The following GALNT17 variants were observed in gnomAD, a reference collection of about 807,000 sequenced individuals.
The protein encoded by GALNT17 is UDP-GalNAc:polypeptide N-acetylgalactosaminyltransferase-like 3.
Under a neutral mutation model 63.7 loss-of-function variants are expected in GALNT17, and 29 were observed. That is an observed-to-expected ratio of 0.46 (90% confidence interval 0.34 to 0.62). The LOEUF (loss-of-function observed/expected upper bound fraction) is 0.62, where lower values mean the gene tolerates loss of function less well. Among genes scored for constraint, GALNT17 ranks in the 20% least tolerant of loss-of-function variants. The probability of loss-of-function intolerance (pLI) is 0.01; values close to 1 mark genes in which losing one functional copy is unlikely to be tolerated. For synonymous variants in GALNT17, 305 were observed against 318.3 expected, an observed-to-expected ratio of 0.96 and a Z score of 0.45; for missense variants, 603 against 799.6, an observed-to-expected ratio of 0.75 and a Z score of 2.97.
chr7:71,523,823 G>A (rs1163593509), intron 5 of GALNT17, among the ~76,000 whole-genome samples: 4 of 151,380 alleles, frequency 2.6e-5, no homozygotes, highest in Non-Finnish European at 2.9e-5. Flanking sequence ...TCAGCCCCCA[G>A]ATTAAGAAAC....
intron 2 of GALNT17, among the ~76,000 whole-genome samples, chr7:71,384,297 C>T (rs918799485): frequency 1.3e-5 from 2 of 152,086 alleles, no homozygotes; most frequent in Admixed American, 6.6e-5. Flanking sequence ...ATCCCACGTC[C>T]GCATGGTAGG....
At chr7:71,187,103 T>C (rs564870969) in intron 1 of GALNT17, among the ~76,000 whole-genome samples, 62 of 152,182 alleles carry the variant, frequency 4.1e-4, no homozygotes, top group African/African-American at 1.4e-3. Context: ...CTACAACTTT[T>C]AGTAGATACT....
intron 9 of GALNT17, among the ~76,000 whole-genome samples, chr7:71,701,225 G>A (rs541409066): frequency 3.9e-4 from 60 of 152,148 alleles, no homozygotes; most frequent in Admixed American, 1.1e-3. Context: ...GATGGCTCAC[G>A]CCTGTAATCC....
At chr7:71,627,066 A>G (rs1215614936) in intron 6 of GALNT17, among the ~76,000 whole-genome samples, 1 of 152,214 alleles carries the variant, frequency 6.6e-6, no homozygotes, top group Non-Finnish European at 1.5e-5. Flanking sequence ...AGTATGTTGC[A>G]TGGAATACAG....
intron 1 of GALNT17, among the ~76,000 whole-genome samples, chr7:71,299,710 G>A (rs1440939031): frequency 2.0e-5 from 3 of 151,958 alleles, no homozygotes; most frequent in African/African-American, 7.3e-5. Flanking sequence ...TGAACCCTAT[G>A]TCCTTCCTGT....
rs766894940 is a variant in GALNT17, at chr7:71,421,135, C to T, written c.962+30C>T. ...GTGGCTGGTGAGCCCTGGCGGCCAA[C>T]GAGCCCCCAAATTCAAGGGTAAAAA... is the stretch of plus-strand genomic sequence containing the variant. On this transcript the variant is annotated intron_variant, in intron 5 of 10. Coordinates refer to ENST00000333538, the MANE Select transcript of GALNT17 (RefSeq NM_022479.3). 9.3e-6 allele frequency: 15 copies of T among 1,611,570 alleles called. No homozygotes were observed. The African/African-American group carries it at 1.3e-4, about 14-fold the overall frequency.
At chr7:71,270,711 G>A (rs952218184) in intron 1 of GALNT17, among the ~76,000 whole-genome samples, 92 of 152,076 alleles carry the variant, frequency 6.0e-4, no homozygotes, top group African/African-American at 2.1e-3. Context: ...GTTTGAGGTG[G>A]TGGATGTTTG....
intron 2 of GALNT17, among the ~76,000 whole-genome samples, chr7:71,376,128 T>G (rs531149557): frequency 6.6e-6 from 1 of 152,018 alleles, no homozygotes; most frequent in Non-Finnish European, 1.5e-5. Flanking sequence ...TGGCCAAATT[T>G]TGGATCTGCT....
intron 6 of GALNT17, among the ~76,000 whole-genome samples, chr7:71,610,988 C>CAAA (rs11447692): frequency 8.7e-5 from 11 of 127,000 alleles, no homozygotes; most frequent in Non-Finnish European, 1.4e-4. Flanking sequence ...GACTCCATTT[C>CAAA]AAAAAAAAAA....
intron 1 of GALNT17, among the ~76,000 whole-genome samples, chr7:71,329,652 G>GGAGA (rs149805819): frequency 1.3e-5 from 2 of 150,770 alleles, no homozygotes; most frequent in Admixed American, 6.6e-5. Context: ...GACAGAGCCA[G>GGAGA]GAGAGAGAGA....
intron 1 of GALNT17, among the ~76,000 whole-genome samples, chr7:71,146,207 G>C (rs1490255909): frequency 6.6e-6 from 1 of 152,068 alleles, no homozygotes; most frequent in Non-Finnish European, 1.5e-5. Flanking sequence ...AAATGACACA[G>C]AGATTTGTTC....
intron 1 of GALNT17, among the ~76,000 whole-genome samples, chr7:71,197,065 T>C (rs1179614628): frequency 6.6e-6 from 1 of 152,126 alleles, no homozygotes; most frequent in African/African-American, 2.4e-5. Context: ...AACAATCACA[T>C]CATGGAAAAT....
At chr7:71,156,859 A>C (rs1384624825) in intron 1 of GALNT17, among the ~76,000 whole-genome samples, 2 of 151,738 alleles carry the variant, frequency 1.3e-5, no homozygotes, top group Non-Finnish European at 2.9e-5. Flanking sequence ...CGCTGGGATT[A>C]CAGGTGTAAA....
intron 6 of GALNT17, among the ~76,000 whole-genome samples, chr7:71,650,291 C>T (rs552254995): frequency 1.3e-5 from 2 of 152,260 alleles, no homozygotes; most frequent in African/African-American, 4.8e-5. Flanking sequence ...ACTCTGTCGC[C>T]GAGGCTGGAG....
At position 71,377,111 on chromosome 7, in the gene GALNT17, AAAAATATATATAT is replaced by A. The variant is rs1563047555; in HGVS notation, c.423-11122_423-11110del. Among the ~76,000 whole-genome samples, 77 of 78,742 alleles carry A rather than the reference AAAAATATATATAT, an allele frequency of 9.8e-4. 2 individuals are homozygous for A. Among genetic ancestry groups the A allele is most frequent in the Middle Eastern group, 5.3e-3 (1 of 188 alleles). The allele number at this position is 78,742 out of a possible 152,430, so 51.7% of individuals were successfully genotyped here. On this transcript the variant is annotated intron_variant, in intron 2 of 10. Transcript: ENST00000333538. Reference sequence around the variant, plus strand: ...AAAAAAAAAAAAAAATAAAAATAAAAAAAATATATATATATATATATATATATATAAAATCTCC... The same window carrying A: ...AAAAAAAAAAAAAAATAAAAATAAAAATATATATATATATATAAAATCTCC...
chr7:71,218,474 G>C (rs1258062153), intron 1 of GALNT17, among the ~76,000 whole-genome samples: 1 of 152,134 alleles, frequency 6.6e-6, no homozygotes, highest in Non-Finnish European at 1.5e-5. Flanking sequence ...TTCGTGTCCT[G>C]TTTCCTTGAG....
At chr7:71,549,413 C>A (rs2116826279) in intron 5 of GALNT17, among the ~76,000 whole-genome samples, 1 of 152,164 alleles carries the variant, frequency 6.6e-6, no homozygotes, top group East Asian at 1.9e-4. Context: ...ACAAAAAGTA[C>A]ATGAGTTAGC....
At chr7:71,352,264 G>A (rs965241246) in intron 2 of GALNT17, among the ~76,000 whole-genome samples, 1 of 152,164 alleles carries the variant, frequency 6.6e-6, no homozygotes, top group Non-Finnish European at 1.5e-5. Flanking sequence ...TGCCATGACT[G>A]TGTGGCCTCC....
chr7:71,291,833 G>T (rs1354879873), intron 1 of GALNT17, among the ~76,000 whole-genome samples: 1 of 151,940 alleles, frequency 6.6e-6, no homozygotes, highest in Non-Finnish European at 1.5e-5. Context: ...CTTTTCGATT[G>T]TTTTAAATTT....
Sources: gnomAD v4.1 joint callset for allele counts (sites outside exome capture counted in the v4.1 genomes callset) on GRCh38, gnomAD v4.1.1 for gene constraint, MANE v1.5 for transcripts, NCBI Gene and HGNC (gene_info 2026-07-23, HGNC 2026-07-21) for gene names.